The following PCDHA9 variants were observed in gnomAD, a reference collection of about 807,000 sequenced individuals.
PCDHA9 encodes the protein protocadherin alpha-9.
PCDHA9 carries 62 observed loss-of-function variants against 62.0 expected under a neutral mutation model. The observed-to-expected ratio is 1.00, with a 90% CI of 0.81 to 1.23. PCDHA9 has a LOEUF of 1.23. Ranked by LOEUF, PCDHA9 falls within the 50% of genes most tolerant of loss-of-function variation. The probability of loss-of-function intolerance (pLI) is 0.00; values close to 1 mark genes in which losing one functional copy is unlikely to be tolerated. For missense variants in PCDHA9, 1,205 were observed against 1,249.8 expected, an observed-to-expected ratio of 0.96 and a Z score of 0.54; for synonymous variants, 557 against 567.6, an observed-to-expected ratio of 0.98 and a Z score of 0.27.
At position 140,858,438 on chromosome 5, in the gene PCDHA9, TG is replaced by T; in HGVS notation, c.2394+7552del. ...ATTGGAGGGGACCACTCTAGGAAGG[TG>T]GGTTATTACGTTTTCATTTTCCTTT... On this transcript the variant is annotated intron_variant, in intron 1 of 3. Transcript: ENST00000532602. 1 of 1,540,928 alleles carries T rather than the reference TG, an allele frequency of 6.5e-7. No individual in the cohort carries two copies. The highest frequency in any genetic ancestry group is 8.8e-7 in the Non-Finnish European group (1 of 1,134,396).
At chr5:140,883,897 G>A in intron 1 of PCDHA9, 1 of 1,613,332 alleles carries the variant, frequency 6.2e-7, no homozygotes, top group Non-Finnish European at 8.5e-7. Flanking sequence ...CTGGCGTGCC[G>A]CCTCTGGGCA....
At chr5:140,932,727 A>G (rs927294598) in intron 1 of PCDHA9, among the ~76,000 whole-genome samples, 2 of 151,954 alleles carry the variant, frequency 1.3e-5, no homozygotes, top group Non-Finnish European at 2.9e-5. Flanking sequence ...ATTGTATAAT[A>G]TAGACCCTCA....
At chr5:140,859,400 G>T in intron 1 of PCDHA9, 1 of 258,574 alleles carries the variant, frequency 3.9e-6, no homozygotes, top group South Asian at 8.7e-5. Context: ...CTTAAACAGG[G>T]TTGGGTTAGA....
chr5:140,869,497 G>C, intron 1 of PCDHA9: 1 of 1,614,202 alleles, frequency 6.2e-7, no homozygotes, highest in South Asian at 1.1e-5. Context: ...CAACCCGCCG[G>C]TGTTCTCGCT....
chr5:140,923,527 C>T (rs2081405445), intron 1 of PCDHA9, among the ~76,000 whole-genome samples: 1 of 151,652 alleles, frequency 6.6e-6, no homozygotes, highest in South Asian at 2.1e-4. Context: ...AGATTCTGTC[C>T]CAAAAAAAGG....
rs1554168160 is a variant in PCDHA9 at position 140,875,992 on chromosome 5, CT to C, written c.2394+25104del. 5 of 1,613,752 alleles carry C rather than the reference CT, an allele frequency of 3.1e-6. No homozygotes were observed. In the Admixed American group the frequency reaches 8.3e-5, roughly 27 times the overall value. On this transcript the variant is annotated intron_variant, in intron 1 of 3. Transcript: ENST00000532602. ...CTCTCTTTTGACCTATGCGTTAAGT[CT>C]AAATGAGAATTTTGAGCTTAAAATA...
intron 2 of PCDHA9, chr5:140,982,212 C>A: frequency 2.1e-6 from 1 of 479,448 alleles, no homozygotes; most frequent in Non-Finnish European, 3.3e-6. Flanking sequence ...GTGAGCGCCA[C>A]ATGGCGTTAA....
chr5:140,903,317 A>G (rs1364222131), intron 1 of PCDHA9, among the ~76,000 whole-genome samples: 1 of 152,204 alleles, frequency 6.6e-6, no homozygotes, highest in African/African-American at 2.4e-5. Context: ...TAAAGACAGC[A>G]TTTTTATTGA....
At chr5:140,941,214 C>CTTCCTTTCTTTCTTT (rs1554214039) in intron 1 of PCDHA9, among the ~76,000 whole-genome samples, 1 of 122,414 alleles carries the variant, frequency 8.2e-6, no homozygotes, top group Non-Finnish European at 1.7e-5. Context: ...TTTCTTTCTT[C>CTTCCTTTCTTTCTTT]CTTTCTTTCT....
chr5:140,859,016 T>C (rs926930282), intron 1 of PCDHA9: 1 of 151,606 alleles, frequency 6.6e-6, no homozygotes, highest in African/African-American at 2.4e-5. Context: ...TCTTAGCAAT[T>C]AAGTTAAATG....
At chr5:140,940,564 T>G (rs1481591678) in intron 1 of PCDHA9, among the ~76,000 whole-genome samples, 2 of 152,228 alleles carry the variant, frequency 1.3e-5, no homozygotes, top group African/African-American at 4.8e-5. Flanking sequence ...TTCTCCTACC[T>G]TGGCTCCCAA....
intron 1 of PCDHA9, among the ~76,000 whole-genome samples, chr5:140,936,113 G>A (rs1316824905): frequency 2.0e-5 from 3 of 151,964 alleles, no homozygotes; most frequent in South Asian, 2.1e-4. Context: ...GGCTGGTCTC[G>A]AACTCCTGAC....
intron 1 of PCDHA9, among the ~76,000 whole-genome samples, chr5:140,934,801 A>G (rs1470129792): frequency 1.3e-5 from 2 of 152,194 alleles, no homozygotes; most frequent in Non-Finnish European, 2.9e-5. Flanking sequence ...TATCTTTTTA[A>G]TGATCAAATT....
Position 140,857,796 on chromosome 5 carries a change from C to T in PCDHA9, c.2394+6907C>T, listed in dbSNP as rs1554150678. 15 of 1,597,494 alleles carry T rather than the reference C, an allele frequency of 9.4e-6. 2 individuals are homozygous for T. The highest frequency in any genetic ancestry group is 1.7e-5 in the Admixed American group (1 of 59,248). ...GCAGTCAGTGAGCTGGTGCTGCGGT[C>T]GGTGGTTGCGGGTCACGTGGTGGCT... is the stretch of plus-strand genomic sequence containing the variant. On this transcript the variant is annotated intron_variant, in intron 1 of 3. Transcript: ENST00000532602.
chr5:140,971,468 A>C (rs938390548), intron 1 of PCDHA9, among the ~76,000 whole-genome samples: 7 of 152,174 alleles, frequency 4.6e-5, no homozygotes, highest in African/African-American at 7.2e-5. Context: ...AGTTATAGGG[A>C]GAGAGTGTCA....
chr5:140,941,527 G>A (rs1324655767), intron 1 of PCDHA9, among the ~76,000 whole-genome samples: 1 of 151,580 alleles, frequency 6.6e-6, no homozygotes, highest in African/African-American at 2.4e-5. Flanking sequence ...ATCTTGACCA[G>A]GCTGGTCTTG....
chr5:140,938,616 A>G (rs1366566018), intron 1 of PCDHA9, among the ~76,000 whole-genome samples: 1 of 152,130 alleles, frequency 6.6e-6, no homozygotes, highest in Non-Finnish European at 1.5e-5. Flanking sequence ...TCTTGGAATA[A>G]ACTCAGGTTG....
chr5:140,941,191 T>TTTTTTTTC (rs1554213809), intron 1 of PCDHA9, among the ~76,000 whole-genome samples: 21 of 93,258 alleles, frequency 2.3e-4, no homozygotes, highest in African/African-American at 5.9e-4. Flanking sequence ...GCTTCTTTTT[T>TTTTTTTTC]TTTCTTTCTT....
chr5:140,869,229 C>G, intron 1 of PCDHA9: 1 of 1,613,752 alleles, frequency 6.2e-7, no homozygotes, highest in Non-Finnish European at 8.5e-7. Context: ...CCAAACACGG[C>G]ACCTTCGTGG....
Sources: gnomAD v4.1 joint callset for allele counts (sites outside exome capture counted in the v4.1 genomes callset) on GRCh38, gnomAD v4.1.1 for gene constraint, MANE v1.5 for transcripts, NCBI Gene and HGNC (gene_info 2026-07-23, HGNC 2026-07-21) for gene names.